The following R3HDM2 variants were observed in gnomAD, a reference collection of about 807,000 sequenced individuals.
R3HDM2 encodes R3H domain containing 2, also known as R3H domain-containing protein 2.
Under a neutral mutation model 124.5 loss-of-function variants are expected in R3HDM2, and 38 were observed. The observed-to-expected ratio is 0.31, with a 90% CI of 0.24 to 0.40. The LOEUF (loss-of-function observed/expected upper bound fraction) is 0.40. Ranked by LOEUF, R3HDM2 falls within the 10% of genes least tolerant of loss-of-function variation. R3HDM2 has a pLI of 1.00. For missense variants in R3HDM2, 869 were observed against 1,236.9 expected (o/e 0.70, Z 4.46); for synonymous variants, 391 against 448.0 (o/e 0.87, Z 1.61).
chr12:57,343,329 A>G (rs960478367), intron 2 of R3HDM2, among the ~76,000 whole-genome samples: 25 of 151,552 alleles, frequency 1.6e-4, no homozygotes, highest in Non-Finnish European at 2.6e-4. Context: ...AGCTAGGATT[A>G]CAGACATGCG....
At chr12:57,257,958 C>T in intron 21 of R3HDM2, 32 bp downstream of exon 21, 3 of 1,443,650 alleles carry the variant, frequency 2.1e-6, no homozygotes, top group Non-Finnish European at 2.8e-6. Flanking sequence ...AAGGTGAATT[C>T]CATAGCAGCC....
chr12:57,288,734 A>G (rs979310958), intron 12 of R3HDM2: 1 of 854,576 alleles, frequency 1.2e-6, no homozygotes, highest in African/African-American at 1.7e-5. Flanking sequence ...TGTTGCAAAA[A>G]CCACAAATTT....
At chr12:57,384,760 T>C in intron 2 of R3HDM2, among the ~76,000 whole-genome samples, 1 of 152,176 alleles carries the variant, frequency 6.6e-6, no homozygotes, top group East Asian at 1.9e-4. Flanking sequence ...CATCATCAGA[T>C]TTCTATTTTA....
intron 2 of R3HDM2, among the ~76,000 whole-genome samples, chr12:57,369,032 T>C (rs906325250): frequency 2.6e-5 from 4 of 152,144 alleles, no homozygotes; most frequent in African/African-American, 7.2e-5. Flanking sequence ...CTAATTCTAA[T>C]ATAGAAGGAT....
intron 2 of R3HDM2, among the ~76,000 whole-genome samples, chr12:57,333,743 G>GAAGGAAGA (rs2058500260): frequency 6.6e-6 from 1 of 150,928 alleles, no homozygotes; most frequent in Non-Finnish European, 1.5e-5. Flanking sequence ...AGGGAGGAAG[G>GAAGGAAGA]AAGGAAGAAA....
In R3HDM2 at chr12:57,303,509, C is replaced by T. The variant is rs530687045; in HGVS notation, c.166-292G>A. Among the ~76,000 whole-genome samples the T allele has an allele frequency of 1.4e-4, 21 of 150,974 alleles. No homozygotes were observed. The East Asian group carries it at 3.9e-3, about 28-fold the overall frequency. On this transcript the variant is annotated intron_variant, in intron 3 of 23. Transcript: ENST00000402412. ...CTGTAATCCCAGCACTTTGGGAGGC[C>T]GAGGCAGGCGGATCCCTTGAGCTCA...
intron 2 of R3HDM2, among the ~76,000 whole-genome samples, chr12:57,340,772 TA>T (rs764559726): frequency 1.4e-4 from 22 of 152,086 alleles, no homozygotes; most frequent in Non-Finnish European, 2.9e-4. Context: ...GACAGATAGG[TA>T]AACCCTTAAT....
intron 2 of R3HDM2, among the ~76,000 whole-genome samples, chr12:57,379,078 T>C (rs2064473458): frequency 6.6e-6 from 1 of 151,908 alleles, no homozygotes; most frequent in African/African-American, 2.4e-5. Flanking sequence ...GAGAGGAGAA[T>C]GGGGAATTAT....
At chr12:57,258,817 C>A in intron 20 of R3HDM2, 73 bp downstream of exon 20, 2 of 1,350,588 alleles carry the variant, frequency 1.5e-6, no homozygotes, top group South Asian at 3.8e-5. Context: ...GCTGCTCAGT[C>A]AATAGCAAAC....
chr12:57,338,492 T>G (rs1258459470), intron 2 of R3HDM2, among the ~76,000 whole-genome samples: 1 of 152,190 alleles, frequency 6.6e-6, no homozygotes, highest in Non-Finnish European at 1.5e-5. Context: ...TATGTTCAAG[T>G]GATCCTCCTG....
At chr12:57,355,990 C>T (rs2061248932) in intron 2 of R3HDM2, among the ~76,000 whole-genome samples, 1 of 152,146 alleles carries the variant, frequency 6.6e-6, no homozygotes, top group South Asian at 2.1e-4. Context: ...ACTCTACATA[C>T]ATGATGCTAT....
chr12:57,360,036 T>TATATATATATATATAC (rs2061724002), intron 2 of R3HDM2, among the ~76,000 whole-genome samples: 1 of 78,380 alleles, frequency 1.3e-5, no homozygotes, highest in Non-Finnish European at 2.6e-5. Context: ...CACATATATA[T>TATATATATATATATAC]ATATATATAT....
intron 2 of R3HDM2, among the ~76,000 whole-genome samples, chr12:57,337,516 G>A (rs531567424): frequency 1.3e-5 from 2 of 152,190 alleles, no homozygotes; most frequent in African/African-American, 4.8e-5. Context: ...TTCAGTGGGA[G>A]TCATAAATTG....
At chr12:57,288,852 G>A (rs1207409978) in intron 12 of R3HDM2, 157 bp downstream of exon 12, 5 of 1,545,274 alleles carry the variant, frequency 3.2e-6, no homozygotes, top group Admixed American at 3.9e-5. Flanking sequence ...ATCACACAGA[G>A]GTACCTAAAA....
intron 2 of R3HDM2, among the ~76,000 whole-genome samples, chr12:57,336,880 C>T (rs1217055333): frequency 6.6e-6 from 1 of 150,598 alleles, no homozygotes; most frequent in Admixed American, 6.6e-5. Context: ...CTAGGCAATG[C>T]TAATGTTTAC....
At chr12:57,413,121 C>G (rs1053757534) in intron 1 of R3HDM2, among the ~76,000 whole-genome samples, 1 of 151,856 alleles carries the variant, frequency 6.6e-6, no homozygotes, top group Non-Finnish European at 1.5e-5. Flanking sequence ...CCACTACACT[C>G]CAGCCTGGAC....
Position 57,430,703 on chromosome 12 carries a change from C to A in R3HDM2, c.-106+17G>T, listed in dbSNP as rs981660979. 159 of 534,008 alleles carry A rather than the reference C, an allele frequency of 3.0e-4. No individual in the cohort carries two copies. The Middle Eastern group carries it at 4.7e-3, about 16-fold the overall frequency. The allele number at this position is 534,008 out of a possible 1,614,324, so 33.1% of individuals were successfully genotyped here. A position where few individuals can be genotyped will look rare whatever the true frequency, so the allele number is the denominator to read the frequency against. Reference sequence around the variant, plus strand: ...CCGTCCGGGCCGCCCGCCCCCTCGGCCGGGAGGTGGCCTCACCTCGCACGG... The same window carrying A: ...CCGTCCGGGCCGCCCGCCCCCTCGGACGGGAGGTGGCCTCACCTCGCACGG... On this transcript the variant is annotated intron_variant, in intron 1 of 23. Coordinates refer to ENST00000402412, the MANE Select transcript of R3HDM2 (RefSeq NM_001394031.1).
At chr12:57,320,278 A>AAAAAAAAAAAAAAAAAAAAAAAC (rs2056172557) in intron 2 of R3HDM2, among the ~76,000 whole-genome samples, 1 of 143,100 alleles carries the variant, frequency 7.0e-6, no homozygotes, top group Non-Finnish European at 1.6e-5. Context: ...AAAAAAAAAA[A>AAAAAAAAAAAAAAAAAAAAAAAC]AAAAAAAAAA....
chr12:57,307,862 C>T (rs2053044765), intron 3 of R3HDM2, among the ~76,000 whole-genome samples: 1 of 151,810 alleles, frequency 6.6e-6, no homozygotes, highest in South Asian at 2.1e-4. Flanking sequence ...TAGAGTGCTT[C>T]TTAAGGTACT....
Sources: gnomAD v4.1 joint callset for allele counts (sites outside exome capture counted in the v4.1 genomes callset) on GRCh38, gnomAD v4.1.1 for gene constraint, MANE v1.5 for transcripts, NCBI Gene and HGNC (gene_info 2026-07-23, HGNC 2026-07-21) for gene names.